Variants in ELMO1 observed in about 807,000 individuals in gnomAD.
The protein encoded by ELMO1 is engulfment and cell motility 1.
A neutral mutation model predicts 98.9 loss-of-function variants in ELMO1; 26 were observed. The observed-to-expected ratio is 0.26, with a 90% CI of 0.19 to 0.36. The LOEUF is 0.36. ELMO1 is among the 10% of genes least tolerant of loss of function. The pLI is 1.00. For synonymous variants in ELMO1, 346 were observed against 346.0 expected, an observed-to-expected ratio of 1.00 and a Z score of 0.00; for missense variants, 627 against 935.2, an observed-to-expected ratio of 0.67 and a Z score of 4.30.
chr7:37,371,680 A>G (rs1389061645), intron 1 of ELMO1, among the ~76,000 whole-genome samples: 1 of 152,190 alleles, frequency 6.6e-6, no homozygotes, highest in African/African-American at 2.4e-5. Flanking sequence ...TCAGGCGCAC[A>G]TTTTCTACTA....
chr7:36,976,424 T>C (rs1790554094), intron 16 of ELMO1, among the ~76,000 whole-genome samples: 1 of 152,224 alleles, frequency 6.6e-6, no homozygotes, highest in South Asian at 2.1e-4. Context: ...TAATAAAACT[T>C]TTCTTCTCGA....
At chr7:36,949,847 G>A (rs948951486) in intron 16 of ELMO1, among the ~76,000 whole-genome samples, 16 of 151,946 alleles carry the variant, frequency 1.1e-4, no homozygotes, top group African/African-American at 2.7e-4. Flanking sequence ...CAGACATTGC[G>A]AAATCCCTCC....
intron 15 of ELMO1, among the ~76,000 whole-genome samples, chr7:37,017,455 T>C (rs1176093446): frequency 6.6e-6 from 1 of 152,200 alleles, no homozygotes; most frequent in Admixed American, 6.5e-5. Context: ...TGCGCCTCCC[T>C]TGTGATTAAG....
intron 1 of ELMO1, among the ~76,000 whole-genome samples, chr7:37,365,697 G>A (rs542398770): frequency 2.0e-5 from 3 of 152,164 alleles, no homozygotes; most frequent in South Asian, 2.1e-4. Context: ...ATTAATCAAC[G>A]CAGACAATCT....
At chr7:37,385,146 T>C (rs1802744272) in intron 1 of ELMO1, among the ~76,000 whole-genome samples, 1 of 152,240 alleles carries the variant, frequency 6.6e-6, no homozygotes. Flanking sequence ...CTGATCTCTC[T>C]GACTCTACTC....
chr7:37,180,394 T>G (rs1041623680), intron 13 of ELMO1, among the ~76,000 whole-genome samples: 9 of 152,178 alleles, frequency 5.9e-5, no homozygotes, highest in African/African-American at 2.2e-4. Flanking sequence ...ATGAAAAGCA[T>G]TAGCCAAATC....
At chr7:37,224,226 T>C (rs546821277) in intron 9 of ELMO1, among the ~76,000 whole-genome samples, 26 of 152,310 alleles carry the variant, frequency 1.7e-4, no homozygotes, top group Admixed American at 1.4e-3. Context: ...CACTGTACAA[T>C]AGAGTCCTTC....
At chr7:36,895,063 C>T (rs777772565) in intron 16 of ELMO1, 46 bp from the exon 17 acceptor site, 2 of 1,602,624 alleles carry the variant, frequency 1.2e-6, no homozygotes, top group Non-Finnish European at 1.7e-6. Context: ...GCTGACCTTT[C>T]CCATTCAGAA....
intron 16 of ELMO1, among the ~76,000 whole-genome samples, chr7:36,990,979 C>T (rs1791835780): frequency 6.6e-6 from 1 of 152,126 alleles, no homozygotes; most frequent in Admixed American, 6.5e-5. Context: ...TATACCCATT[C>T]CTTTCATTTT....
chr7:37,296,977 G>A (rs967659602), intron 4 of ELMO1, among the ~76,000 whole-genome samples: 36 of 152,140 alleles, frequency 2.4e-4, no homozygotes, highest in Admixed American at 2.3e-3. Flanking sequence ...CAGCAGCAGC[G>A]AACTTGCTGA....
intron 13 of ELMO1, among the ~76,000 whole-genome samples, chr7:37,136,542 A>T (rs1787276650): frequency 6.6e-6 from 1 of 152,228 alleles, no homozygotes; most frequent in South Asian, 2.1e-4. Flanking sequence ...GAAAACTTAC[A>T]AGCTAGAAGG....
At chr7:36,914,607 G>A (rs749796389) in intron 16 of ELMO1, among the ~76,000 whole-genome samples, 3 of 150,664 alleles carry the variant, frequency 2.0e-5, no homozygotes, top group African/African-American at 4.9e-5. Flanking sequence ...TCCGCCTCCC[G>A]TGTTCAAGTG....
intron 16 of ELMO1, among the ~76,000 whole-genome samples, chr7:37,008,768 A>C (rs1401537788): frequency 6.6e-6 from 1 of 152,202 alleles, no homozygotes; most frequent in Non-Finnish European, 1.5e-5. Context: ...ACAGGTCAAC[A>C]AGCATCCTAC....
chr7:37,266,601 T>A (rs1796253386), intron 5 of ELMO1, among the ~76,000 whole-genome samples: 1 of 152,200 alleles, frequency 6.6e-6, no homozygotes, highest in South Asian at 2.1e-4. Flanking sequence ...TTTGCAATCT[T>A]GACATGTTTT....
At chr7:37,309,629 C>T (rs970305939) in intron 4 of ELMO1, among the ~76,000 whole-genome samples, 4 of 152,188 alleles carry the variant, frequency 2.6e-5, no homozygotes, top group Non-Finnish European at 5.9e-5. Context: ...CTTTCCTGGG[C>T]GTGAGTTTGC....
intron 4 of ELMO1, among the ~76,000 whole-genome samples, chr7:37,306,402 T>C (rs1020344717): frequency 3.3e-5 from 5 of 152,138 alleles, no homozygotes; most frequent in Non-Finnish European, 5.9e-5. Flanking sequence ...AGAAAGGAGG[T>C]TGGACTTCAT....
At chr7:37,066,187 A>G (rs1796952107) in intron 15 of ELMO1, among the ~76,000 whole-genome samples, 1 of 152,204 alleles carries the variant, frequency 6.6e-6, no homozygotes, top group African/African-American at 2.4e-5. Flanking sequence ...GCATGTCTCT[A>G]TTAGCAGCGT....
chr7:36,857,801 T>C (rs553148303), intron 21 of ELMO1, among the ~76,000 whole-genome samples: 1 of 152,292 alleles, frequency 6.6e-6, no homozygotes, highest in East Asian at 1.9e-4. Flanking sequence ...CATGCTTAGA[T>C]TCTGGTCACT....
intron 7 of ELMO1, among the ~76,000 whole-genome samples, chr7:37,241,504 A>C (rs919261926): frequency 3.0e-4 from 46 of 152,074 alleles, no homozygotes; most frequent in Admixed American, 2.9e-3. Flanking sequence ...ATTTACATTT[A>C]ATGTATTGAT....
Sources: gnomAD v4.1 joint callset for allele counts (sites outside exome capture counted in the v4.1 genomes callset) on GRCh38, gnomAD v4.1.1 for gene constraint, MANE v1.5 for transcripts, NCBI Gene and HGNC (gene_info 2026-07-23, HGNC 2026-07-21) for gene names.